Variants in RFC3 observed in about 807,000 individuals in gnomAD.
RFC3 encodes A1 38 kDa subunit.
Under a neutral mutation model 45.1 loss-of-function variants are expected in RFC3, and 41 were observed. The observed-to-expected ratio is 0.91, with a 90% confidence interval of 0.71 to 1.18. The LOEUF (loss-of-function observed/expected upper bound fraction) is 1.18, where lower values mean the gene tolerates loss of function less well. Among genes scored for constraint, RFC3 ranks in the 50% most tolerant of loss-of-function variants. The pLI, the probability that RFC3 is intolerant of heterozygous loss-of-function variation, is 0.00. For synonymous variants in RFC3, 149 were observed against 144.0 expected (o/e 1.03, Z -0.25); for missense variants, 423 against 428.1 (o/e 0.99, Z 0.10).
chr13:33,969,534 C>A (rs1156426741), downstream of RFC3, among the ~76,000 whole-genome samples: 1 of 152,118 alleles, frequency 6.6e-6, no homozygotes, highest in Non-Finnish European at 1.5e-5. Context: ...AAGGCAGTTA[C>A]AATAAAATCA....
chr13:33,830,991 C>G, intron 6 of RFC3, 136 bp downstream of exon 6: 2 of 690,922 alleles, frequency 2.9e-6, no homozygotes, highest in South Asian at 3.8e-5. Context: ...ATTGTTCCAC[C>G]TCAGATTATT....
chr13:33,947,453 G>GTC (rs758473041), intron 8 of RFC3, among the ~76,000 whole-genome samples: 7 of 151,874 alleles, frequency 4.6e-5, no homozygotes, highest in East Asian at 3.9e-4. Context: ...TTATAGCAGC[G>GTC]TGAGAATGGA....
rs546790441 is a variant in RFC3, at chr13:33,951,355, C to T, written c.880-14732C>T. ...CAAGCGATTCCCCTGCCTCAGCCTC[C>T]CGAGTAGCTGGGAATACAGGTGCAT... On this transcript the variant is annotated intron_variant, in intron 8 of 8. Coordinates refer to the RFC3 transcript ENST00000434425. Among the ~76,000 whole-genome samples the T allele has an allele frequency of 9.2e-5, 14 of 151,858 alleles. No individual in the cohort carries two copies. In the East Asian group the frequency reaches 1.9e-3, roughly 21 times the overall value.
chr13:33,827,382 A>G (rs1460015775), intron 4 of RFC3, among the ~76,000 whole-genome samples: 3 of 152,240 alleles, frequency 2.0e-5, no homozygotes, highest in Non-Finnish European at 4.4e-5. Flanking sequence ...AGTACTGCTT[A>G]GTCACTGTTT....
At chr13:33,916,348 A>C (rs939590230) in intron 8 of RFC3, among the ~76,000 whole-genome samples, 1 of 152,182 alleles carries the variant, frequency 6.6e-6, no homozygotes, top group African/African-American at 2.4e-5. Context: ...GGAAAGAAAG[A>C]AAAAAAGAAA....
At chr13:33,967,071 C>T (rs754921994), downstream of RFC3, among the ~76,000 whole-genome samples, 1 of 151,858 alleles carries the variant, frequency 6.6e-6, no homozygotes, top group African/African-American at 2.4e-5. Flanking sequence ...GTGGGAGGAT[C>T]ACTAGATCCC....
chr13:33,958,839 T>G (rs923813607), intron 8 of RFC3, among the ~76,000 whole-genome samples: 3 of 152,206 alleles, frequency 2.0e-5, no homozygotes, highest in African/African-American at 7.2e-5. Context: ...TACCTGGCAC[T>G]TCCCATTTGC....
chr13:33,828,500 A>G (rs527783740), intron 4 of RFC3, among the ~76,000 whole-genome samples: 3 of 152,296 alleles, frequency 2.0e-5, no homozygotes, highest in African/African-American at 4.8e-5. Flanking sequence ...GCTCTCACCC[A>G]TAAATTGGGC....
At chr13:33,975,987 G>A in the RFC3 span, among the ~76,000 whole-genome samples, 1 of 152,104 alleles carries the variant, frequency 6.6e-6, no homozygotes, top group Non-Finnish European at 1.5e-5. Flanking sequence ...TTGGAGAAGC[G>A]ACTGATTGTA....
At chr13:33,917,615 C>T (rs1000997967) in intron 8 of RFC3, among the ~76,000 whole-genome samples, 1 of 152,118 alleles carries the variant, frequency 6.6e-6, no homozygotes, top group African/African-American at 2.4e-5. Context: ...GTGGTCGTGG[C>T]TCAGACACCA....
chr13:33,836,481 G>A lies in RFC3; in HGVS notation c.*186G>A. On this transcript the variant is annotated 3_prime_UTR_variant, in exon 9 of 9. Coordinates refer to ENST00000380071, the MANE Select transcript of RFC3 (RefSeq NM_002915.4). ...AATTGCTCCTATACTATTGAAGTAT[G>A]TAGTTTTGTACATAACTTAGAGACT... 7.4e-7 allele frequency: 1 copy of A among 1,354,846 alleles called. No homozygotes were observed. Among genetic ancestry groups the A allele is most frequent in the Non-Finnish European group, 9.5e-7 (1 of 1,051,006 alleles). The allele number at this position is 1,354,846 out of a possible 1,614,324, so 83.9% of individuals were successfully genotyped here.
intron 8 of RFC3, among the ~76,000 whole-genome samples, chr13:33,887,984 C>T (rs1006427682): frequency 2.6e-5 from 4 of 152,154 alleles, no homozygotes; most frequent in African/African-American, 7.2e-5. Flanking sequence ...TTCCATTGAT[C>T]GACATCTCTG....
chr13:33,912,667 A>C (rs1418904384), intron 8 of RFC3, among the ~76,000 whole-genome samples: 1 of 152,048 alleles, frequency 6.6e-6, no homozygotes. Flanking sequence ...GGCCATGTGA[A>C]CCTGAGAAAG....
chr13:33,895,515 AG>A (rs2082592169), intron 8 of RFC3, among the ~76,000 whole-genome samples: 1 of 152,208 alleles, frequency 6.6e-6, no homozygotes, highest in South Asian at 2.1e-4. Context: ...TGTGGTAAAA[AG>A]GGAACGCTTA....
At chr13:33,820,902 CATATATATATTTATAT>C (rs1284437977) in intron 1 of RFC3, among the ~76,000 whole-genome samples, 18 of 90,626 alleles carry the variant, frequency 2.0e-4, no homozygotes, top group African/African-American at 6.1e-4. Flanking sequence ...AACTTTTCAG[CATATATATATTTATAT>C]ATATATATAT....
intron 8 of RFC3, among the ~76,000 whole-genome samples, chr13:33,896,923 T>A (rs757353840): frequency 2.0e-5 from 3 of 151,840 alleles, no homozygotes; most frequent in Non-Finnish European, 4.4e-5. Context: ...AGAGATAAAA[T>A]CTTATTGAGA....
At chr13:33,899,397 G>A (rs2082624718) in intron 8 of RFC3, among the ~76,000 whole-genome samples, 1 of 151,636 alleles carries the variant, frequency 6.6e-6, no homozygotes, top group African/African-American at 2.4e-5. Flanking sequence ...ATCAGTAAAT[G>A]TGATACATCA....
At chr13:33,857,246 A>C (rs556123128) in intron 8 of RFC3, among the ~76,000 whole-genome samples, 1 of 152,334 alleles carries the variant, frequency 6.6e-6, no homozygotes, top group South Asian at 2.1e-4. Flanking sequence ...CTCATTGCGG[A>C]ATCTCTGACA....
chr13:33,889,489 C>T (rs2082549930), intron 8 of RFC3, among the ~76,000 whole-genome samples: 1 of 152,180 alleles, frequency 6.6e-6, no homozygotes, highest in African/African-American at 2.4e-5. Flanking sequence ...TGCATGTATG[C>T]ATTGTATAAT....
Sources: allele counts gnomAD v4.1 joint callset (sites outside exome capture counted in the v4.1 genomes callset), GRCh38; gene constraint gnomAD v4.1.1; transcripts MANE v1.5; gene names NCBI Gene and HGNC (gene_info 2026-07-23, HGNC 2026-07-21).